MAD1L1: variants seen among roughly 807,000 people sequenced by gnomAD.
The protein encoded by MAD1L1 is mitotic spindle assembly checkpoint protein MAD1.
A neutral mutation model predicts 96.9 loss-of-function variants in MAD1L1; 95 were observed. The ratio of observed to expected loss-of-function variants is 0.98; its 90% confidence interval spans 0.83 to 1.16. MAD1L1 has a LOEUF of 1.16. Ranked by LOEUF, MAD1L1 falls within the 50% of genes most tolerant of loss-of-function variation. MAD1L1 has a pLI of 0.00. For synonymous variants in MAD1L1, 473 were observed against 396.6 expected (o/e 1.19, Z -2.29); for missense variants, 1,007 against 954.4 (o/e 1.06, Z -0.73).
intron 17 of MAD1L1, among the ~76,000 whole-genome samples, chr7:1,933,122 C>T (rs150581395): frequency 1.3e-5 from 2 of 152,178 alleles, no homozygotes; most frequent in Non-Finnish European, 2.9e-5. Context: ...TGTTTCTCTG[C>T]GTTTCGCTGT....
intron 14 of MAD1L1, among the ~76,000 whole-genome samples, chr7:1,984,968 A>G (rs1200565075): frequency 6.6e-6 from 1 of 152,128 alleles, no homozygotes; most frequent in Non-Finnish European, 1.5e-5. Context: ...GCTTTGTTTC[A>G]CACCGATACT....
chr7:2,148,964 A>G (rs1273246903), intron 11 of MAD1L1, among the ~76,000 whole-genome samples, 188 bp downstream of exon 11: 2 of 152,198 alleles, frequency 1.3e-5, no homozygotes, highest in South Asian at 4.1e-4. Flanking sequence ...GGAGGCTCAC[A>G]GCACATGGTG....
intron 12 of MAD1L1, among the ~76,000 whole-genome samples, chr7:2,031,472 C>T (rs1423778808): frequency 2.0e-5 from 3 of 152,228 alleles, no homozygotes; most frequent in Admixed American, 6.5e-5. Flanking sequence ...TATGATTTCC[C>T]GAGGCAATTT....
At chr7:1,933,107 C>T (rs913661793) in intron 17 of MAD1L1, among the ~76,000 whole-genome samples, 1 of 152,006 alleles carries the variant, frequency 6.6e-6, no homozygotes, top group East Asian at 1.9e-4. Context: ...TCCCCGCTGA[C>T]GCTGTGTTTC....
chr7:1,919,607 C>A (rs1031382184), intron 17 of MAD1L1, among the ~76,000 whole-genome samples: 2 of 152,242 alleles, frequency 1.3e-5, no homozygotes, highest in African/African-American at 4.8e-5. Context: ...GCCACAGCCG[C>A]CATCGTCGCC....
At chr7:1,841,605 G>T (rs1562445265) in intron 18 of MAD1L1, among the ~76,000 whole-genome samples, 1 of 152,246 alleles carries the variant, frequency 6.6e-6, no homozygotes. Flanking sequence ...CAGGTGAGTG[G>T]CCGGGCGCCT....
At chr7:2,032,944 CAGA>C (rs1386522185) in intron 12 of MAD1L1, among the ~76,000 whole-genome samples, 2 of 152,240 alleles carry the variant, frequency 1.3e-5, no homozygotes, top group Admixed American at 1.3e-4. Context: ...GGCGCCCCCG[CAGA>C]AGGACGTGGA....
intron 10 of MAD1L1, chr7:2,201,959 C>T (rs1621778): frequency 0.036 from 5,550 of 152,476 alleles, 208 homozygotes; most frequent in African/African-American, 0.096. Context: ...CAGCCAGGGC[C>T]GTCGCCAAAG....
At chr7:2,217,108 C>T (rs773134255) in intron 7 of MAD1L1, among the ~76,000 whole-genome samples, 5 of 152,244 alleles carry the variant, frequency 3.3e-5, no homozygotes, top group Non-Finnish European at 7.3e-5. Flanking sequence ...TCCCACCCCT[C>T]CCGTGTCAAG....
rs1354431480 is a variant in MAD1L1, at chr7:2,103,050, C to T, written c.1074-33712G>A. ...GTGATGCTGCCAACACCTGGGTCAG[C>T]GCTGGGTCAGGCCTGGCCACGCTGC... On this transcript the variant is annotated intron_variant, in intron 11 of 18. Coordinates refer to ENST00000265854, the MANE Select transcript of MAD1L1 (RefSeq NM_001013836.2). This position sits in a 1 kb window ranked among gnomAD's most constrained non-coding sequence, Gnocchi z 4.3. Among the ~76,000 whole-genome samples, 5 of 152,236 alleles carry T rather than the reference C, an allele frequency of 3.3e-5. No homozygotes were observed. Among genetic ancestry groups the T allele is most frequent in the South Asian group, 2.1e-4 (1 of 4,832 alleles).
At chr7:2,095,026 AAT>A (rs57612463) in intron 11 of MAD1L1, among the ~76,000 whole-genome samples, 8 of 150,550 alleles carry the variant, frequency 5.3e-5, no homozygotes, top group South Asian at 2.1e-4. Flanking sequence ...TTAAATAGTA[AAT>A]ATATATATAT....
chr7:2,064,147 C>A (rs1412828818), intron 12 of MAD1L1, among the ~76,000 whole-genome samples: 1 of 152,166 alleles, frequency 6.6e-6, no homozygotes, highest in Non-Finnish European at 1.5e-5. Context: ...GCCCAGCAAC[C>A]CCCTGGCGAG....
intron 10 of MAD1L1, among the ~76,000 whole-genome samples, chr7:2,179,356 C>A (rs182005133): frequency 6.6e-6 from 1 of 151,820 alleles, no homozygotes; most frequent in East Asian, 1.9e-4. Flanking sequence ...GGTAAAACCC[C>A]GTCTCTACTA....
At chr7:1,942,933 C>T (rs1311870489) in intron 16 of MAD1L1, among the ~76,000 whole-genome samples, 2 of 152,176 alleles carry the variant, frequency 1.3e-5, no homozygotes, top group African/African-American at 2.4e-5. Context: ...TGAGGACCGA[C>T]GTACAGACCA....
At chr7:2,112,778 AG>A (rs1199615150) in intron 11 of MAD1L1, among the ~76,000 whole-genome samples, 1 of 152,194 alleles carries the variant, frequency 6.6e-6, no homozygotes, top group East Asian at 1.9e-4. Flanking sequence ...AAGAGGAAAC[AG>A]GGCTCACTGG....
intron 17 of MAD1L1, among the ~76,000 whole-genome samples, chr7:1,906,405 T>C: frequency 6.6e-6 from 1 of 152,216 alleles, no homozygotes; most frequent in East Asian, 1.9e-4. Context: ...CCGGCCTGGC[T>C]GCCACTGCAG....
intron 11 of MAD1L1, among the ~76,000 whole-genome samples, chr7:2,070,580 A>G (rs141823388): frequency 5.8e-4 from 89 of 152,362 alleles, no homozygotes; most frequent in African/African-American, 2.1e-3. Context: ...CCCTACTCAG[A>G]CAGCCCAGGC....
At chr7:2,121,748 C>A (rs533151132) in intron 11 of MAD1L1, among the ~76,000 whole-genome samples, 7 of 152,050 alleles carry the variant, frequency 4.6e-5, no homozygotes, top group Admixed American at 4.6e-4. Context: ...CACCTTTCTA[C>A]GAGCCTGATG....
At chr7:1,838,728 A>C (rs781742471) in intron 18 of MAD1L1, 34 of 470,474 alleles carry the variant, frequency 7.2e-5, no homozygotes, top group Non-Finnish European at 1.4e-4. Flanking sequence ...CATTCATTCC[A>C]AGATAGACTG....
Sources: allele counts gnomAD v4.1 joint callset (sites outside exome capture counted in the v4.1 genomes callset), GRCh38; gene constraint gnomAD v4.1.1; non-coding constraint Gnocchi (gnomAD v3.1); transcripts MANE v1.5; gene names NCBI Gene and HGNC (gene_info 2026-07-23, HGNC 2026-07-21).